Variants in KIAA1217 observed in about 807,000 individuals in gnomAD.
The protein encoded by KIAA1217 is KIAA1217, also known as sickle tail protein homolog.
In KIAA1217, 88 loss-of-function variants were observed where a neutral mutation model predicts 163.9. That is an observed-to-expected ratio of 0.54 (90% CI 0.45 to 0.64). The LOEUF is 0.64. Among genes scored for constraint, KIAA1217 ranks in the 30% least tolerant of loss-of-function variants. KIAA1217 has a pLI of 0.00. For synonymous variants in KIAA1217, 903 were observed against 923.1 expected (o/e 0.98, Z 0.39); for missense variants, 2,372 against 2,475.0 (o/e 0.96, Z 0.88).
chr10:24,222,541 C>T (rs1393808267), intron 2 of KIAA1217, among the ~76,000 whole-genome samples: 1 of 152,106 alleles, frequency 6.6e-6, no homozygotes, highest in South Asian at 2.1e-4. Context: ...GTTGCCCAGG[C>T]TGGAGTACAG....
intron 2 of KIAA1217, among the ~76,000 whole-genome samples, chr10:24,132,404 C>T (rs1425613546): frequency 1.3e-5 from 2 of 152,178 alleles, no homozygotes; most frequent in African/African-American, 4.8e-5. Context: ...TAAGAAAATA[C>T]AAGACCAAGT....
At chr10:24,514,584 G>A (rs901272056) in intron 10 of KIAA1217, among the ~76,000 whole-genome samples, 1 of 152,146 alleles carries the variant, frequency 6.6e-6, no homozygotes, top group Non-Finnish European at 1.5e-5. Context: ...TTTATAGACA[G>A]AGTTAATCAC....
At chr10:23,772,960 T>G (rs1339410304) in intron 1 of KIAA1217, among the ~76,000 whole-genome samples, 1 of 152,228 alleles carries the variant, frequency 6.6e-6, no homozygotes, top group Non-Finnish European at 1.5e-5. Context: ...ATTTTGTTTC[T>G]GGTTTCTCTT....
At chr10:24,233,553 T>C (rs1356793424) in intron 2 of KIAA1217, among the ~76,000 whole-genome samples, 2 of 152,214 alleles carry the variant, frequency 1.3e-5, no homozygotes, top group African/African-American at 4.8e-5. Flanking sequence ...TCCAGGAATA[T>C]TTAATTTAGT....
chr10:23,823,133 A>G (rs1442645349), intron 1 of KIAA1217, among the ~76,000 whole-genome samples: 1 of 152,200 alleles, frequency 6.6e-6, no homozygotes, highest in Non-Finnish European at 1.5e-5. Flanking sequence ...TCCTCTGCTT[A>G]GAGTCTCACA....
chr10:24,188,876 C>T lies in KIAA1217; in HGVS notation c.-170-30750C>T, dbSNP rs557534761. On this transcript the variant is annotated intron_variant, in intron 2 of 18. Coordinates refer to the KIAA1217 transcript ENST00000376462. ...ATCCCAGCACTTTGGGAGGCCGAGG[C>T]GGGCAGATCGCGGGGTCAGGAGATC... 4.6e-5 allele frequency among the ~76,000 whole-genome samples: 7 copies of T among 152,072 alleles called. No homozygotes were observed. The East Asian group carries it at 1.2e-3, about 25-fold the overall frequency.
chr10:23,857,369 C>T (rs544806947), intron 1 of KIAA1217, among the ~76,000 whole-genome samples: 12 of 151,922 alleles, frequency 7.9e-5, no homozygotes, highest in South Asian at 4.2e-4. Flanking sequence ...AAGGACAGGA[C>T]GAAATAGGAG....
At chr10:23,969,552 A>T (rs1249431129) in intron 1 of KIAA1217, among the ~76,000 whole-genome samples, 3 of 152,104 alleles carry the variant, frequency 2.0e-5, no homozygotes, top group Non-Finnish European at 2.9e-5. Flanking sequence ...GCATCTTTTC[A>T]TGTGCTTATC....
chr10:24,254,471 G>A (rs2074918762), intron 2 of KIAA1217, among the ~76,000 whole-genome samples: 1 of 152,190 alleles, frequency 6.6e-6, no homozygotes, highest in Non-Finnish European at 1.5e-5. Flanking sequence ...CAGTTAGGTG[G>A]GTTGGGGGCT....
chr10:24,042,836 G>T (rs1340882473), intron 2 of KIAA1217, among the ~76,000 whole-genome samples: 2 of 151,964 alleles, frequency 1.3e-5, no homozygotes, highest in Admixed American at 6.6e-5. Context: ...TTACCTATAT[G>T]AATAGAAACA....
intron 2 of KIAA1217, among the ~76,000 whole-genome samples, chr10:24,299,538 A>G (rs1256651516): frequency 6.6e-6 from 1 of 152,108 alleles, no homozygotes; most frequent in African/African-American, 2.4e-5. Flanking sequence ...AGCTGAGACC[A>G]TAGGTGTGCA....
At chr10:24,298,372 A>G (rs192448323) in intron 2 of KIAA1217, among the ~76,000 whole-genome samples, 2 of 152,260 alleles carry the variant, frequency 1.3e-5, no homozygotes, top group East Asian at 3.9e-4. Context: ...AAATAAGTAT[A>G]TCTCAGGATA....
At chr10:24,428,392 C>G (rs2059339505) in intron 3 of KIAA1217, among the ~76,000 whole-genome samples, 1 of 152,180 alleles carries the variant, frequency 6.6e-6, no homozygotes, top group Non-Finnish European at 1.5e-5. Context: ...TTCTGGAAAA[C>G]TAGTTCCCTG....
intron 2 of KIAA1217, among the ~76,000 whole-genome samples, chr10:24,348,090 C>G (rs757780370): frequency 2.5e-4 from 38 of 152,308 alleles, no homozygotes; most frequent in Admixed American, 9.8e-4. Flanking sequence ...GGTGCAGTGG[C>G]TCACGCCTGT....
chr10:24,118,188 A>G (rs1187012303), intron 2 of KIAA1217, among the ~76,000 whole-genome samples: 1 of 151,908 alleles, frequency 6.6e-6, no homozygotes, highest in East Asian at 1.9e-4. Flanking sequence ...GTCATGGGAA[A>G]GAAGACTGAA....
At chr10:23,871,538 A>G (rs911258308) in intron 1 of KIAA1217, among the ~76,000 whole-genome samples, 1 of 151,890 alleles carries the variant, frequency 6.6e-6, no homozygotes, top group African/African-American at 2.4e-5. Context: ...CACCACTACA[A>G]AGCCATCAGC....
chr10:23,796,340 C>CTTGCTTATTTATTTATTTAT (rs140864660), intron 1 of KIAA1217, among the ~76,000 whole-genome samples: 11 of 148,482 alleles, frequency 7.4e-5, no homozygotes, highest in African/African-American at 2.7e-4. Flanking sequence ...CGAGAGACTG[C>CTTGCTTATTTATTTATTTAT]TTATTTATTT....
intron 2 of KIAA1217, among the ~76,000 whole-genome samples, chr10:24,201,757 G>T (rs1300076279): frequency 2.0e-5 from 3 of 152,196 alleles, no homozygotes; most frequent in Admixed American, 2.0e-4. Flanking sequence ...TAAAATCACT[G>T]TAAAAATACT....
At chr10:24,163,124 C>T (rs2131890773) in intron 2 of KIAA1217, among the ~76,000 whole-genome samples, 1 of 152,294 alleles carries the variant, frequency 6.6e-6, no homozygotes, top group African/African-American at 2.4e-5. Flanking sequence ...AGGCTGCCTA[C>T]CACACTTCTC....
Sources: allele counts gnomAD v4.1 joint callset (sites outside exome capture counted in the v4.1 genomes callset), GRCh38; gene constraint gnomAD v4.1.1; transcripts MANE v1.5; gene names NCBI Gene and HGNC (gene_info 2026-07-23, HGNC 2026-07-21).